Variants in DNAH11 observed in about 807,000 individuals in gnomAD.
The protein encoded by DNAH11 is dynein axonemal heavy chain 11, also known as axonemal beta dynein heavy chain 11.
A neutral mutation model predicts 526.0 loss-of-function variants in DNAH11; 442 were observed. The observed-to-expected ratio is 0.84, with a 90% CI of 0.78 to 0.91. The LOEUF is 0.91. Among genes scored for constraint, DNAH11 ranks in the 40% least tolerant of loss-of-function variants. DNAH11 has a pLI of 0.00. For synonymous variants in DNAH11, 2,461 were observed against 1,935.9 expected (o/e 1.27, Z -7.12); for missense variants, 6,989 against 5,448.7 (o/e 1.28, Z -8.90).
chr7:21,563,146 T>C (rs1783532464), intron 5 of DNAH11, among the ~76,000 whole-genome samples: 2 of 152,182 alleles, frequency 1.3e-5, no homozygotes, highest in African/African-American at 4.8e-5. Flanking sequence ...AAGCAGTCAT[T>C]AATGAGAGTT....
At position 21,543,499 on chromosome 7, in the gene DNAH11, A is replaced by G; in HGVS notation, c.254A>G (p.Asp85Gly). The change falls in exon 1 of 82, where the codon GAC (aspartate) becomes GGC (glycine). Residue 85 changes from aspartate to glycine, a missense_variant. Transcript: ENST00000409508. Reference sequence around the variant, plus strand: ...TGGAGCCAGTATTTGGAAAGCGAGGACAACCGGCAGGTTCTTGGGGAGTTT... The same window carrying G: ...TGGAGCCAGTATTTGGAAAGCGAGGGCAACCGGCAGGTTCTTGGGGAGTTT... ...EKWSQYLESE[D>G]NRQVLGEFLE... is the part of the protein sequence containing the mutation. 6.2e-7 allele frequency: 1 copy of G among 1,607,562 alleles called. No homozygotes were observed. Among genetic ancestry groups the G allele is most frequent in the South Asian group, 1.1e-5 (1 of 89,410 alleles).
At chr7:21,557,062 C>CAAA (rs59996091) in intron 2 of DNAH11, among the ~76,000 whole-genome samples, 2 of 137,268 alleles carry the variant, frequency 1.5e-5, no homozygotes, top group South Asian at 2.3e-4. Context: ...GACTCTGTCT[C>CAAA]AAAAAAAAAA....
At chr7:21,795,728 C>G (rs1788684895) in intron 61 of DNAH11, among the ~76,000 whole-genome samples, 2 of 152,290 alleles carry the variant, frequency 1.3e-5, no homozygotes, top group African/African-American at 2.4e-5. Flanking sequence ...AGTCCCTGCC[C>G]TGAAAAATCT....
In DNAH11 at chr7:21,600,832, C is replaced by A; in HGVS notation, c.3157C>A (p.Leu1053Ile). The part of the protein sequence containing the change: ...DDRAEFMKHF[L>I]LYGHAVSSDE... ...TCGAGCTGAGTTTATGAAGCATTTT[C>A]TCTTGTATGGCCATGCTGTGTCTTC... The change falls in exon 16 of 82, where the codon CTC becomes ATC. Residue 1053 changes from leucine to isoleucine, a missense_variant. Coordinates refer to ENST00000409508, the MANE Select transcript of DNAH11 (RefSeq NM_001277115.2). 6.2e-7 allele frequency: 1 copy of A among 1,613,908 alleles called. No individual in the cohort carries two copies. Among genetic ancestry groups the A allele is most frequent in the South Asian group, 1.1e-5 (1 of 91,080 alleles).
chr7:21,900,865 C>CCAGCT, intron 81 of DNAH11, 142 bp from the exon 82 acceptor site: 1 of 1,379,266 alleles, frequency 7.3e-7, no homozygotes, highest in Non-Finnish European at 9.7e-7. Context: ...CTCAGTCCGG[C>CCAGCT]CAGCTCAGTA....
chr7:21,601,695 CTT>C (rs1785098961), intron 18 of DNAH11, 77 bp downstream of exon 18: 5 of 1,092,362 alleles, frequency 4.6e-6, no homozygotes. Context: ...CATGTACTCT[CTT>C]ATGATGTCCT....
chr7:21,674,900 C>G (rs1276307083), intron 30 of DNAH11, among the ~76,000 whole-genome samples: 1 of 152,148 alleles, frequency 6.6e-6, no homozygotes, highest in Non-Finnish European at 1.5e-5. Context: ...ACTAGTTGCT[C>G]ACACTAGAAG....
chr7:21,547,074 C>T (rs1324345710), intron 2 of DNAH11, among the ~76,000 whole-genome samples: 1 of 152,120 alleles, frequency 6.6e-6, no homozygotes, highest in East Asian at 1.9e-4. Flanking sequence ...CACAAACTGA[C>T]AACTAAAATA....
intron 8 of DNAH11, among the ~76,000 whole-genome samples, chr7:21,576,660 T>G (rs891028780): frequency 6.6e-6 from 1 of 152,220 alleles, no homozygotes; most frequent in East Asian, 1.9e-4. Context: ...TAGCCTAATA[T>G]CAGTGTCAAT....
intron 27 of DNAH11, among the ~76,000 whole-genome samples, chr7:21,637,974 T>C (rs961951950): frequency 3.3e-5 from 5 of 152,028 alleles, no homozygotes; most frequent in East Asian, 1.9e-4. Flanking sequence ...ATTGACATGA[T>C]TGATTGATCA....
At chr7:21,727,388 C>T (rs1257830596) in intron 45 of DNAH11, among the ~76,000 whole-genome samples, 1 of 152,202 alleles carries the variant, frequency 6.6e-6, no homozygotes, top group Non-Finnish European at 1.5e-5. Flanking sequence ...CTGTAAACTT[C>T]TTAGTTAGTA....
chr7:21,658,765 C>CTGTTATATAA lies in DNAH11; in HGVS notation c.5095-33_5095-32insTGTTATATAA, dbSNP rs760279178. The CTGTTATATAA allele has an allele frequency of 2.6e-3, 3,912 of 1,508,834 alleles. 16 individuals carry two copies. The highest frequency in any genetic ancestry group is 7.2e-3 in the South Asian group (564 of 78,596). The allele number at this position is 1,508,834 out of a possible 1,614,324, so 93.5% of individuals were successfully genotyped here. On this transcript the variant is annotated intron_variant, in intron 29 of 81. Transcript: ENST00000409508. ...ATGAAATTATCCTTCCATAGTTAAG[C>CTGTTATATAA]CTGTGTTATAACATTTCAACTTGCT...
At chr7:21,828,711 A>T (rs926654592) in intron 65 of DNAH11, among the ~76,000 whole-genome samples, 2 of 150,538 alleles carry the variant, frequency 1.3e-5, no homozygotes, top group Non-Finnish European at 2.9e-5. Context: ...GTAGGTGTGT[A>T]TCAAAAGAGA....
intron 30 of DNAH11, among the ~76,000 whole-genome samples, chr7:21,665,986 T>G (rs1782407395): frequency 1.3e-5 from 2 of 152,288 alleles, no homozygotes; most frequent in South Asian, 4.1e-4. Context: ...TTAATTAAAA[T>G]TATTCTTACT....
intron 74 of DNAH11, among the ~76,000 whole-genome samples, chr7:21,880,098 A>G (rs530502194): frequency 0.01 from 1,534 of 151,238 alleles, 13 homozygotes; most frequent in Non-Finnish European, 0.018. Flanking sequence ...AAAAAAAAAA[A>G]AAAGAAAGAA....
intron 44 of DNAH11, among the ~76,000 whole-genome samples, chr7:21,724,386 C>G (rs1784993330): frequency 1.3e-5 from 2 of 152,204 alleles, no homozygotes; most frequent in Admixed American, 1.3e-4. Context: ...CCGATCACCT[C>G]CTTCTGCCCA....
At chr7:21,697,947 T>C in intron 35 of DNAH11, 128 bp from the exon 36 acceptor site, 1 of 950,608 alleles carries the variant, frequency 1.1e-6, no homozygotes, top group Non-Finnish European at 1.5e-6. Flanking sequence ...TTAGCTGTGA[T>C]TGACAGACAT....
intron 30 of DNAH11, among the ~76,000 whole-genome samples, chr7:21,669,076 T>C (rs1782532880): frequency 6.6e-6 from 1 of 152,210 alleles, no homozygotes; most frequent in Admixed American, 6.5e-5. Flanking sequence ...TGTCTAAAGA[T>C]GTTGAGCAAC....
At chr7:21,839,633 G>A (rs1426774380) in intron 65 of DNAH11, among the ~76,000 whole-genome samples, 2 of 151,522 alleles carry the variant, frequency 1.3e-5, no homozygotes, top group East Asian at 1.9e-4. Context: ...GGGCAGAAGA[G>A]GGTTGCTAGC....
Sources: gnomAD v4.1 joint callset for allele counts (sites outside exome capture counted in the v4.1 genomes callset) on GRCh38, gnomAD v4.1.1 for gene constraint, MANE v1.5 for transcripts, NCBI Gene and HGNC (gene_info 2026-07-23, HGNC 2026-07-21) for gene names.